Variants in PLCB4 observed in about 807,000 individuals in gnomAD.
The protein encoded by PLCB4 is phospholipase C beta 4, also known as 1-phosphatidylinositol 4,5-bisphosphate phosphodiesterase beta-4.
PLCB4 carries 77 observed loss-of-function variants against 178.8 expected under a neutral mutation model. The ratio of observed to expected loss-of-function variants is 0.43; its 90% confidence interval spans 0.36 to 0.52. The LOEUF (loss-of-function observed/expected upper bound fraction) is 0.52. PLCB4 is among the 20% of genes least tolerant of loss of function. The pLI is 0.00. For synonymous variants in PLCB4, 496 were observed against 490.8 expected, an observed-to-expected ratio of 1.01 and a Z score of -0.14; for missense variants, 1,024 against 1,453.4, an observed-to-expected ratio of 0.70 and a Z score of 4.80.
intron 2 of PLCB4, among the ~76,000 whole-genome samples, chr20:9,158,577 GT>G (rs373471121): frequency 0.036 from 4,730 of 133,190 alleles, 113 homozygotes; most frequent in African/African-American, 0.068. Context: ...CCACTCTCAC[GT>G]TTTTTTTTTT....
At chr20:9,346,927 T>C (rs540762074) in intron 7 of PLCB4, among the ~76,000 whole-genome samples, 1 of 152,290 alleles carries the variant, frequency 6.6e-6, no homozygotes, top group African/African-American at 2.4e-5. Context: ...CATGACCACC[T>C]TTTTCCTCTG....
chr20:9,079,444 A>G (rs888941438), intron 1 of PLCB4, among the ~76,000 whole-genome samples: 1 of 152,190 alleles, frequency 6.6e-6, no homozygotes, highest in African/African-American at 2.4e-5. Flanking sequence ...TCTGCCTGTA[A>G]TATCCCTCCA....
intron 3 of PLCB4, among the ~76,000 whole-genome samples, chr20:9,294,153 G>A (rs555219010): frequency 5.7e-4 from 87 of 152,198 alleles, no homozygotes; most frequent in Middle Eastern, 3.4e-3. Context: ...TTTTTCCTGA[G>A]TTCTTAGGAG....
intron 29 of PLCB4, 62 bp from the exon 30 acceptor site, chr20:9,436,940 T>C: frequency 5.4e-6 from 8 of 1,473,282 alleles, no homozygotes; most frequent in Admixed American, 1.8e-5. Context: ...AAATAAAGAA[T>C]GTACAAGATA....
intron 3 of PLCB4, among the ~76,000 whole-genome samples, chr20:9,293,444 TG>T (rs1246732852): frequency 1.4e-5 from 2 of 148,080 alleles, no homozygotes; most frequent in Non-Finnish European, 3.0e-5. Context: ...CACTCCAGCC[TG>T]GGTGACAGAG....
At chr20:9,134,511 G>A (rs779414070) in intron 2 of PLCB4, among the ~76,000 whole-genome samples, 1 of 151,916 alleles carries the variant, frequency 6.6e-6, no homozygotes, top group Non-Finnish European at 1.5e-5. Context: ...TCATCAAGAA[G>A]CAGCTGACCC....
intron 2 of PLCB4, among the ~76,000 whole-genome samples, chr20:9,173,949 T>C (rs942148010): frequency 1.3e-5 from 2 of 152,178 alleles, no homozygotes; most frequent in South Asian, 2.1e-4. Context: ...TTCCCTGGAG[T>C]TGGATATTTA....
At chr20:9,252,240 A>G (rs975639487) in intron 3 of PLCB4, among the ~76,000 whole-genome samples, 5 of 152,226 alleles carry the variant, frequency 3.3e-5, no homozygotes, top group African/African-American at 1.2e-4. Context: ...GCTAGTAGCT[A>G]TCATATGAGA....
chr20:9,234,346 G>A (rs2093969173), intron 3 of PLCB4, among the ~76,000 whole-genome samples: 1 of 152,130 alleles, frequency 6.6e-6, no homozygotes, highest in South Asian at 2.1e-4. Context: ...GGATGCAGAA[G>A]TGATTAATGG....
chr20:9,155,576 C>T (rs1472293498), intron 2 of PLCB4, among the ~76,000 whole-genome samples: 1 of 152,168 alleles, frequency 6.6e-6, no homozygotes, highest in Non-Finnish European at 1.5e-5. Flanking sequence ...TCTGTTTCCA[C>T]AAACTCACCC....
intron 38 of PLCB4, among the ~76,000 whole-genome samples, chr20:9,474,305 G>T (rs2044396543): frequency 6.6e-6 from 1 of 151,906 alleles, no homozygotes; most frequent in African/African-American, 2.4e-5. Context: ...ATTTTTATCT[G>T]GTGCATAGTA....
intron 3 of PLCB4, among the ~76,000 whole-genome samples, chr20:9,257,917 G>C (rs2094253655): frequency 6.6e-6 from 1 of 152,136 alleles, no homozygotes; most frequent in African/African-American, 2.4e-5. Context: ...AGCAAGAAGG[G>C]ATTCTTGGAA....
intron 1 of PLCB4, among the ~76,000 whole-genome samples, chr20:9,077,009 TTACATG>T (rs556714656): frequency 2.4e-4 from 37 of 152,318 alleles, no homozygotes; most frequent in African/African-American, 8.9e-4. Context: ...TTCTGTACAT[TTACATG>T]TATAAGTATA....
At chr20:9,418,487 T>C (rs764484110) in intron 25 of PLCB4, among the ~76,000 whole-genome samples, 2 of 152,150 alleles carry the variant, frequency 1.3e-5, no homozygotes, top group Non-Finnish European at 1.5e-5. Flanking sequence ...ATAACGTGGA[T>C]TTATTTATAG....
chr20:9,135,614 G>A (rs1384127354), intron 2 of PLCB4, among the ~76,000 whole-genome samples: 1 of 151,984 alleles, frequency 6.6e-6, no homozygotes, highest in East Asian at 1.9e-4. Context: ...GGTTAAGAGG[G>A]TTTCCAATAG....
intron 4 of PLCB4, among the ~76,000 whole-genome samples, chr20:9,334,960 CAAAAT>C (rs1458958607): frequency 6.6e-6 from 1 of 152,050 alleles, no homozygotes; most frequent in African/African-American, 2.4e-5. Context: ...AGTTCACTCT[CAAAAT>C]AAGTTGGAAA....
chr20:9,325,596 G>A (rs144036510), intron 4 of PLCB4, among the ~76,000 whole-genome samples: 1 of 152,198 alleles, frequency 6.6e-6, no homozygotes, highest in Non-Finnish European at 1.5e-5. Flanking sequence ...AGACAGATCC[G>A]GAGTGTTCAG....
intron 3 of PLCB4, among the ~76,000 whole-genome samples, chr20:9,283,032 T>C (rs1186363593): frequency 6.6e-6 from 1 of 152,052 alleles, no homozygotes; most frequent in Non-Finnish European, 1.5e-5. Flanking sequence ...AAAGTCTTCA[T>C]ATCTTGATGG....
chr20:9,339,011 G>A lies in PLCB4; in HGVS notation c.343G>A (p.Val115Met). 6.2e-7 allele frequency: 1 copy of A among 1,613,348 alleles called. No homozygotes were observed. Among genetic ancestry groups the A allele is most frequent in the Non-Finnish European group, 8.5e-7 (1 of 1,179,516 alleles). Residue 115 changes from valine to methionine, a missense_variant, in exon 7 of 40, where the codon GTG becomes ATG. Around this residue, in one of 7 missense-constraint regions of PLCB4, gnomAD observed 225 missense variants for 291.0 expected, o/e 0.77. Coordinates refer to ENST00000378473, the MANE Select transcript of PLCB4 (RefSeq NM_001377142.1). ...AGTGAACATTAGTTTTACCTACATG[G>A]TGGCTGAAAATCCAGAAGTAACTAA... ...DLVNISFTYM[V>M]AENPEVTKQW...
Sources: allele counts gnomAD v4.1 joint callset (sites outside exome capture counted in the v4.1 genomes callset), GRCh38; gene constraint gnomAD v4.1.1; regional missense constraint gnomAD v4.1.1; transcripts MANE v1.5; gene names NCBI Gene and HGNC (gene_info 2026-07-23, HGNC 2026-07-21).